The following TACC2 variants were observed in gnomAD, a reference collection of about 807,000 sequenced individuals.
TACC2 encodes transforming acidic coiled-coil containing protein 2, also known as transforming acidic coiled-coil-containing protein 2.
In TACC2, 137 loss-of-function variants were observed where a neutral mutation model predicts 227.3. That is an observed-to-expected ratio of 0.60 (90% CI 0.52 to 0.69). The LOEUF is 0.69. TACC2 is among the 30% of genes least tolerant of loss of function. The pLI, the probability that TACC2 is intolerant of heterozygous loss-of-function variation, is 0.00. For missense variants in TACC2, 3,470 were observed against 3,694.4 expected, an observed-to-expected ratio of 0.94 and a Z score of 1.57; for synonymous variants, 1,523 against 1,487.5, an observed-to-expected ratio of 1.02 and a Z score of -0.55.
rs991342276 is a variant in TACC2, at chr10:122,033,152, A to G, written c.33+11138A>G. 7 of 1,289,230 alleles carry G rather than the reference A, an allele frequency of 5.4e-6. No individual in the cohort carries two copies. In the Admixed American group the frequency reaches 1.4e-4, roughly 25 times the overall value. 79.9% of individuals were successfully genotyped at this position (1,289,230 alleles called of 1,614,324 possible). A position where few individuals can be genotyped will look rare whatever the true frequency, so the allele number is the denominator to read the frequency against. On this transcript the variant is annotated intron_variant, in intron 2 of 22. Transcript: ENST00000369005. ...TGGCCTCCAAACCCTGAGCCCACAC[A>G]GGTACTGGGGAATGTGCTGTTCTGC...
At chr10:122,088,754 G>T (rs746106261) in intron 5 of TACC2, 163 bp downstream of exon 5, 13 of 1,532,346 alleles carry the variant, frequency 8.5e-6, no homozygotes, top group Admixed American at 4.0e-5. Flanking sequence ...GCAGTACCTG[G>T]GATGACTAAA....
At chr10:122,149,322 G>A (rs1360740726) in intron 7 of TACC2, among the ~76,000 whole-genome samples, 1 of 152,208 alleles carries the variant, frequency 6.6e-6, no homozygotes, top group African/African-American at 2.4e-5. Context: ...GGATAGACGC[G>A]GGAGAAACGG....
intron 6 of TACC2, among the ~76,000 whole-genome samples, chr10:122,136,976 T>C (rs1021339190): frequency 6.6e-6 from 1 of 152,214 alleles, no homozygotes. Context: ...CTGCTAATTC[T>C]TTGGTGCCCT....
intron 1 of TACC2, among the ~76,000 whole-genome samples, chr10:122,020,328 G>GCC (rs1957178442): frequency 6.6e-6 from 1 of 151,952 alleles, no homozygotes; most frequent in African/African-American, 2.4e-5. Flanking sequence ...GTGTGTGTGT[G>GCC]TGTGTGTGTG....
intron 5 of TACC2, among the ~76,000 whole-genome samples, chr10:122,125,336 C>T (rs970071745): frequency 3.3e-5 from 5 of 151,694 alleles, no homozygotes; most frequent in African/African-American, 1.2e-4. Context: ...GCTGAGACTT[C>T]AGGTGTGTGC....
At chr10:122,021,811 A>G (rs1453131457) in intron 1 of TACC2, 126 bp from the exon 2 acceptor site, 1 of 610,730 alleles carries the variant, frequency 1.6e-6, no homozygotes, top group South Asian at 2.2e-5. Flanking sequence ...GTAATTTTCC[A>G]TGATGTGACC....
intron 7 of TACC2, among the ~76,000 whole-genome samples, chr10:122,159,425 G>A (rs892050010): frequency 1.3e-5 from 2 of 152,190 alleles, no homozygotes; most frequent in Non-Finnish European, 2.9e-5. Flanking sequence ...CCCTGCTCCT[G>A]TTGACATGTG....
rs1420170738 is a variant in TACC2 at position 122,248,316 on chromosome 10, T to C, written c.8393-327T>C. ...TTTTTTACTTTACGGATCTGTCTGC[T>C]TGCTGTCAACAACCACATAGAATCA... On this transcript the variant is annotated intron_variant, in intron 19 of 22. Transcript: ENST00000369005. 3 of 259,840 alleles carry C rather than the reference T, an allele frequency of 1.2e-5. No homozygotes were observed. The East Asian group carries it at 2.1e-4, about 18-fold the overall frequency. 16.1% of individuals were successfully genotyped at this position (259,840 alleles called of 1,614,324 possible). A position where few individuals can be genotyped will look rare whatever the true frequency, so the allele number is the denominator to read the frequency against.
intron 19 of TACC2, among the ~76,000 whole-genome samples, chr10:122,246,204 G>T (rs1369416617): frequency 2.6e-5 from 4 of 152,168 alleles, no homozygotes; most frequent in African/African-American, 9.7e-5. Flanking sequence ...GTGGGGTGGG[G>T]TGTAGCAGCC....
intron 7 of TACC2, among the ~76,000 whole-genome samples, chr10:122,187,179 C>T (rs1308359284): frequency 6.6e-6 from 1 of 152,218 alleles, no homozygotes. Flanking sequence ...TGAGTTTCAG[C>T]AGACACATGT....
intron 8 of TACC2, among the ~76,000 whole-genome samples, chr10:122,198,920 G>C (rs949157906): frequency 6.6e-6 from 1 of 152,260 alleles, no homozygotes; most frequent in Non-Finnish European, 1.5e-5. Context: ...GGCAAAGGAT[G>C]GGGCAAAGGA....
rs560127438 is a variant in TACC2, at chr10:122,253,318, C to T, written c.8782-673C>T. Reference sequence around the variant, plus strand: ...TAACCTATCTGAAAGCAAAGCCACACGTCCATGATGGAGGGATCGTCCCGT... The same window carrying T: ...TAACCTATCTGAAAGCAAAGCCACATGTCCATGATGGAGGGATCGTCCCGT... On this transcript the variant is annotated intron_variant, in intron 22 of 22. Transcript: ENST00000369005. Among the ~76,000 whole-genome samples, 7 of 152,344 alleles carry T rather than the reference C, an allele frequency of 4.6e-5. No individual in the cohort carries two copies. In the South Asian group the frequency reaches 6.2e-4, roughly 14 times the overall value.
At position 122,199,312 on chromosome 10, in the gene TACC2, T is replaced by C. The variant is rs375532522; in HGVS notation, c.5971+4136T>C. Among the ~76,000 whole-genome samples the C allele has an allele frequency of 5.3e-5, 8 of 152,370 alleles. No individual in the cohort carries two copies. The East Asian group carries it at 1.2e-3, about 22-fold the overall frequency. On this transcript the variant is annotated intron_variant, in intron 8 of 22. Transcript: ENST00000369005. The stretch of plus-strand genomic sequence containing the variant: ...CTCTAAGTGGCTGTTTGTGGACAGC[T>C]GTCCTCACATTGACTTGGAATGGAG...
intron 3 of TACC2, among the ~76,000 whole-genome samples, chr10:122,057,653 T>A (rs1193747997): frequency 1.9e-5 from 1 of 53,850 alleles, no homozygotes; most frequent in Non-Finnish European, 4.7e-5. Flanking sequence ...AAATAAAAAA[T>A]TAAAAAATTA....
At chr10:122,132,877 A>G in intron 6 of TACC2, 143 bp downstream of exon 6, 1 of 817,088 alleles carries the variant, frequency 1.2e-6, no homozygotes, top group Non-Finnish European at 1.9e-6. Context: ...CAGGGTGTGC[A>G]CACCTGTCCT....
intron 1 of TACC2, among the ~76,000 whole-genome samples, chr10:122,003,489 T>TA: frequency 6.6e-6 from 1 of 152,296 alleles, no homozygotes; most frequent in East Asian, 1.9e-4. Flanking sequence ...GCTGTCATTA[T>TA]AAAACTGCCT....
chr10:122,230,585 C>T (rs2095718386), intron 16 of TACC2, 145 bp downstream of exon 16: 5 of 696,064 alleles, frequency 7.2e-6, no homozygotes, highest in South Asian at 1.7e-5. Context: ...AAGCGTCACT[C>T]TTGCATAAAT....
intron 1 of TACC2, among the ~76,000 whole-genome samples, chr10:122,015,106 T>TAA (rs10590944): frequency 1.7e-4 from 25 of 147,388 alleles, no homozygotes; most frequent in Non-Finnish European, 2.4e-4. Flanking sequence ...TCATCTGCTA[T>TAA]AAAAAAAAAA....
Position 122,121,525 on chromosome 10 carries a change from T to A in TACC2, c.5574-11084T>A, listed in dbSNP as rs751540787. ...CCTACCTCTCCAGGGGGAGGAGGAA[T>A]GGCATTTTATTTCTTCATCTGTGAA... On this transcript the variant is annotated intron_variant, in intron 5 of 22. Coordinates refer to ENST00000369005, the MANE Select transcript of TACC2 (RefSeq NM_206862.4). 2.6e-5 allele frequency among the ~76,000 whole-genome samples: 4 copies of A among 152,196 alleles called. No individual in the cohort carries two copies. The South Asian group carries it at 6.2e-4, about 24-fold the overall frequency.
Sources: gnomAD v4.1 joint callset for allele counts (sites outside exome capture counted in the v4.1 genomes callset) on GRCh38, gnomAD v4.1.1 for gene constraint, MANE v1.5 for transcripts, NCBI Gene and HGNC (gene_info 2026-07-23, HGNC 2026-07-21) for gene names.